The following PCDHA6 variants were observed in gnomAD, a reference collection of about 807,000 sequenced individuals.
PCDHA6 encodes protocadherin alpha-6.
Under a neutral mutation model 60.3 loss-of-function variants are expected in PCDHA6, and 55 were observed. The ratio of observed to expected loss-of-function variants is 0.91; its 90% CI spans 0.73 to 1.14. The LOEUF (loss-of-function observed/expected upper bound fraction) is 1.14, where lower values mean the gene tolerates loss of function less well. Ranked by LOEUF, PCDHA6 falls within the 50% of genes most tolerant of loss-of-function variation. The pLI is 0.00. For missense variants in PCDHA6, 1,327 were observed against 1,256.5 expected, an observed-to-expected ratio of 1.06 and a Z score of -0.85; for synonymous variants, 652 against 557.9, an observed-to-expected ratio of 1.17 and a Z score of -2.38.
At chr5:140,872,584 G>A (rs183302964) in intron 1 of PCDHA6, among the ~76,000 whole-genome samples, 8 of 152,212 alleles carry the variant, frequency 5.3e-5, no homozygotes, top group Admixed American at 5.2e-4. Flanking sequence ...CTATCATCGT[G>A]AGACCCCCAT....
At chr5:140,971,884 C>A (rs1216931622) in intron 1 of PCDHA6, among the ~76,000 whole-genome samples, 1 of 151,602 alleles carries the variant, frequency 6.6e-6, no homozygotes, top group Admixed American at 6.6e-5. Flanking sequence ...AGGAAATAAG[C>A]TCAGGGAGGT....
chr5:140,881,121 C>G (rs1456322924), intron 1 of PCDHA6, among the ~76,000 whole-genome samples: 4 of 152,122 alleles, frequency 2.6e-5, no homozygotes, highest in Non-Finnish European at 4.4e-5. Flanking sequence ...GATTTTGTGG[C>G]TTGGTAGAGA....
In PCDHA6 at chr5:140,850,584, A is replaced by G. The variant is rs1484372356; in HGVS notation, c.2394+20099A>G. On this transcript the variant is annotated intron_variant, in intron 1 of 3. Transcript: ENST00000529310. Reference sequence around the variant, plus strand: ...CCCCGAGGTGACGCTGGTGGATGTCAACGTGTACCTGATCATCGCCATCTG... The same window carrying G: ...CCCCGAGGTGACGCTGGTGGATGTCGACGTGTACCTGATCATCGCCATCTG... The G allele has an allele frequency of 2.5e-6, 4 of 1,598,362 alleles. 1 individual carries two copies. The highest frequency in any genetic ancestry group is 3.4e-6 in the Non-Finnish European group (4 of 1,167,826).
intron 1 of PCDHA6, among the ~76,000 whole-genome samples, chr5:140,944,656 C>A (rs782213712): frequency 1.3e-5 from 2 of 152,016 alleles, no homozygotes; most frequent in Admixed American, 6.6e-5. Flanking sequence ...GAGTCCATAC[C>A]CCTTATTTAT....
intron 1 of PCDHA6, among the ~76,000 whole-genome samples, chr5:140,970,269 A>G (rs1410341195): frequency 6.6e-6 from 1 of 152,184 alleles, no homozygotes; most frequent in East Asian, 1.9e-4. Flanking sequence ...TTTTGATGAG[A>G]TGTAAAGTAG....
intron 1 of PCDHA6, chr5:140,852,884 T>A (rs1486240342): frequency 6.4e-6 from 6 of 931,694 alleles, no homozygotes; most frequent in Non-Finnish European, 7.8e-6. Context: ...TCATAAAACG[T>A]ATTTTTTTTT....
At chr5:140,831,993 C>A (rs1438404433) in intron 1 of PCDHA6, among the ~76,000 whole-genome samples, 1 of 152,120 alleles carries the variant, frequency 6.6e-6, no homozygotes, top group East Asian at 1.9e-4. Flanking sequence ...TTACGGATTC[C>A]ATATTGTTTT....
At chr5:140,985,044 T>G (rs183944640) in intron 3 of PCDHA6, among the ~76,000 whole-genome samples, 1 of 152,158 alleles carries the variant, frequency 6.6e-6, no homozygotes, top group Admixed American at 6.5e-5. Flanking sequence ...TTCAAGTGAT[T>G]CTCCTGCCTC....
chr5:140,937,326 C>T (rs1287239556), intron 1 of PCDHA6, among the ~76,000 whole-genome samples: 1 of 152,164 alleles, frequency 6.6e-6, no homozygotes, highest in South Asian at 2.1e-4. Context: ...CGTGAGCCAC[C>T]GCGCCCGGCT....
In PCDHA6 at chr5:140,828,352, T is replaced by C. The variant is rs1222673665; in HGVS notation, c.261T>C (p.Asn87=). The change falls in exon 1 of 4, where the codon AAT becomes AAC. Residue 87 remains asparagine, a synonymous_variant. Coordinates refer to ENST00000529310, the MANE Select transcript of PCDHA6 (RefSeq NM_018909.4). ...VNLQNGILFV[N]SRIDREELCG... ...TGCAGAATGGCATTTTGTTTGTGAATTCTCGGATCGACCGCGAGGAGCTGT... is the reference window on the plus strand; with the variant it reads ...TGCAGAATGGCATTTTGTTTGTGAACTCTCGGATCGACCGCGAGGAGCTGT... 1 of 1,614,116 alleles carries C rather than the reference T, an allele frequency of 6.2e-7. No homozygotes were observed. Among genetic ancestry groups the C allele is most frequent in the African/African-American group, 1.3e-5 (1 of 74,940 alleles).
At chr5:140,982,367 G>A in intron 2 of PCDHA6, 108 bp from the exon 3 acceptor site, 1 of 1,544,446 alleles carries the variant, frequency 6.5e-7, no homozygotes, top group Non-Finnish European at 8.7e-7. Context: ...AGCAGAATGT[G>A]TTAGCTGCAG....
intron 1 of PCDHA6, among the ~76,000 whole-genome samples, chr5:140,921,757 T>C (rs1361449960): frequency 6.6e-6 from 1 of 152,122 alleles, no homozygotes; most frequent in Non-Finnish European, 1.5e-5. Context: ...GGACACTTCT[T>C]GGCTACTATT....
intron 1 of PCDHA6, chr5:140,966,946 C>T: frequency 6.2e-7 from 1 of 1,603,486 alleles, no homozygotes; most frequent in Non-Finnish European, 8.5e-7. Flanking sequence ...TCGTGGGCAA[C>T]GTGGCTCGCG....
chr5:140,841,473 A>G, intron 1 of PCDHA6: 1 of 1,612,990 alleles, frequency 6.2e-7, no homozygotes, highest in Non-Finnish European at 8.5e-7. Flanking sequence ...ATCGCGCAGG[A>G]CCTGGGGCTG....
rs182448614 is a variant in PCDHA6, at chr5:140,856,533, G to T, written c.2394+26048G>T. The T allele has an allele frequency of 3.4e-4, 545 of 1,598,390 alleles. 56 individuals carry two copies. The highest frequency in any genetic ancestry group is 4.4e-4 in the Non-Finnish European group (516 of 1,167,858). On this transcript the variant is annotated intron_variant, in intron 1 of 3. Transcript: ENST00000529310. ...GAAGGCGCATCTGATGCGGATGTTG[G>T]AGAGAACGCATTGCTTACTTACAAA... is the stretch of plus-strand genomic sequence containing the variant.
chr5:140,967,966 G>A, intron 1 of PCDHA6: 1 of 1,614,214 alleles, frequency 6.2e-7, no homozygotes, highest in African/African-American at 1.3e-5. Context: ...ACCGGAAAGT[G>A]AGCCTGGGTC....
intron 1 of PCDHA6, chr5:140,835,747 T>C: frequency 6.2e-7 from 1 of 1,613,592 alleles, no homozygotes; most frequent in Non-Finnish European, 8.5e-7. Flanking sequence ...GCCCCGGCGT[T>C]CGCGCAGCCC....
rs2150151678 is a variant in PCDHA6, at chr5:140,828,166, G to T, written c.75G>T (p.Lys25Asn). The change falls in exon 1 of 4, where the codon AAG (lysine) becomes AAT (asparagine). Residue 25 changes from lysine (K) to asparagine (N), a missense_variant. Coordinates refer to ENST00000529310, the MANE Select transcript of PCDHA6 (RefSeq NM_018909.4). ...CGCTTCTGCTCCTCGCAGCCTGGAA[G>T]GTGGGGAGCGGCCAGCTCCACTACT... Reference protein sequence around the residue: ...LLPLLLLAAWKVGSGQLHYSV... With the variant: ...LLPLLLLAAWNVGSGQLHYSV... The T allele has an allele frequency of 6.2e-7, 1 of 1,614,182 alleles. No individual in the cohort carries two copies. Among genetic ancestry groups the T allele is most frequent in the Non-Finnish European group, 8.5e-7 (1 of 1,180,030 alleles).
Position 140,857,156 on chromosome 5 carries a change from C to T in PCDHA6, c.2394+26671C>T, listed in dbSNP as rs782492965. The T allele has an allele frequency of 4.4e-5, 71 of 1,598,308 alleles. 2 individuals carry two copies. In the South Asian group the frequency reaches 7.7e-4, roughly 17 times the overall value. On this transcript the variant is annotated intron_variant, in intron 1 of 3. Transcript: ENST00000529310. ...TGCTCAAGTGGGCACCGTCATTGCC[C>T]TAATCAGCGTTTCTGACCATGATTC...
Sources: allele counts gnomAD v4.1 joint callset (sites outside exome capture counted in the v4.1 genomes callset), GRCh38; gene constraint gnomAD v4.1.1; transcripts MANE v1.5; gene names NCBI Gene and HGNC (gene_info 2026-07-23, HGNC 2026-07-21).